CXXC5: variants seen among roughly 807,000 people sequenced by gnomAD.
CXXC5 encodes CXXC finger protein 5.
CXXC5 carries 2 observed loss-of-function variants against 17.6 expected under a neutral mutation model. The ratio of observed to expected loss-of-function variants is 0.11; its 90% CI spans 0.05 to 0.36. CXXC5 has a LOEUF of 0.36. CXXC5 is among the 10% of genes least tolerant of loss of function. The pLI is 1.00. For missense variants in CXXC5, 343 were observed against 458.3 expected (o/e 0.75, Z 2.30); for synonymous variants, 171 against 193.0 (o/e 0.89, Z 0.94).
chr5:139,682,496 A>G (rs1395426694), intron 2 of CXXC5, among the ~76,000 whole-genome samples: 1 of 152,206 alleles, frequency 6.6e-6, no homozygotes, highest in Non-Finnish European at 1.5e-5. Context: ...CACACAGCTC[A>G]GCATAGCACG....
In CXXC5 at chr5:139,661,298, C is replaced by T. The variant is rs1755797093; in HGVS notation, c.-161+12453C>T. On this transcript the variant is annotated intron_variant, in intron 1 of 2. Coordinates refer to ENST00000302517, the MANE Select transcript of CXXC5 (RefSeq NM_016463.9). The surrounding 1 kb of genome is among the most constrained non-coding windows in gnomAD (Gnocchi z 4.7). Reference sequence around the variant, plus strand: ...CCCCATCCCCAGCAGCCCCGAGAGGCCCTGCGGCCTGGCAGTTAGAGTGCA... The same window carrying T: ...CCCCATCCCCAGCAGCCCCGAGAGGTCCTGCGGCCTGGCAGTTAGAGTGCA... Among the ~76,000 whole-genome samples, 1 of 152,220 alleles carries T rather than the reference C, an allele frequency of 6.6e-6. No homozygotes were observed. Among genetic ancestry groups the T allele is most frequent in the Admixed American group, 6.5e-5 (1 of 15,286 alleles).
rs1561549426 is a variant in CXXC5 at position 139,680,557 on chromosome 5, G to GGCGGCAGTA, written c.37_45dup (p.Gly13_Ser15dup). The GGCGGCAGTA allele has an allele frequency of 1.3e-6, 2 of 1,578,330 alleles. No individual in the cohort carries two copies. The highest frequency in any genetic ancestry group is 1.4e-5 in the African/African-American group (1 of 73,812). On this transcript the variant is annotated inframe_insertion, in exon 2 of 3. Transcript: ENST00000302517. ...CCTCGGCGGTGGCTCCCAGGATGCCGGCGGCAGTAGCAGCAGCAGCACCAA... is the reference window on the plus strand; with the variant it reads ...CCTCGGCGGTGGCTCCCAGGATGCCGGCGGCAGTAGCGGCAGTAGCAGCAGCAGCACCAA...
At chr5:139,650,894 G>C (rs1485916061) in intron 1 of CXXC5, 3 of 152,202 alleles carry the variant, frequency 2.0e-5, no homozygotes, top group Admixed American at 6.5e-5. Context: ...CTGGAGCTTG[G>C]GGGGGTGGGG....
chr5:139,648,962 C>T (rs1755007734), intron 1 of CXXC5, 117 bp downstream of exon 1: 2 of 152,294 alleles, frequency 1.3e-5, no homozygotes, highest in African/African-American at 4.8e-5. Flanking sequence ...CCGGAGTTCG[C>T]TGCAAGTCGG....
intron 1 of CXXC5, 114 bp from the exon 2 acceptor site, chr5:139,680,250 G>T (rs751748528): frequency 9.9e-5 from 52 of 525,232 alleles, no homozygotes; most frequent in African/African-American, 2.3e-4. Context: ...CTTAATAAAT[G>T]CCTGGTCAAG....
rs1342536274 is a variant in CXXC5, at chr5:139,680,675, A to G, written c.152A>G (p.Asp51Gly). Residue 51 changes from aspartate to glycine, a missense_variant, in exon 2 of 3, where the codon GAT (aspartate) becomes GGT (glycine). Physicochemically the swap from Asp to Gly is moderately conservative, Grantham distance 94 (BLOSUM62 -1). Coordinates refer to ENST00000302517, the MANE Select transcript of CXXC5 (RefSeq NM_016463.9). Reference protein sequence around the residue: ...VAAAAPASVADDTPPPERRNK... With the variant: ...VAAAAPASVAGDTPPPERRNK... ...GCCGCCGCACCAGCCTCAGTGGCAG[A>G]TGACACACCACCCCCCGAGCGTCGG... 2 of 1,613,274 alleles carry G rather than the reference A, an allele frequency of 1.2e-6. No individual in the cohort carries two copies. The highest frequency in any genetic ancestry group is 1.7e-5 in the Admixed American group (1 of 60,020).
At chr5:139,656,706 A>G (rs1755514252) in intron 1 of CXXC5, among the ~76,000 whole-genome samples, 1 of 151,988 alleles carries the variant, frequency 6.6e-6, no homozygotes, top group South Asian at 2.1e-4. Context: ...GCCCCCGTTA[A>G]CTGCTATTTT....
Position 139,661,590 on chromosome 5 carries a change from A to G in CXXC5, c.-161+12745A>G, listed in dbSNP as rs1275366449. Among the ~76,000 whole-genome samples, 5 of 152,134 alleles carry G rather than the reference A, an allele frequency of 3.3e-5. No homozygotes were observed. Among genetic ancestry groups the G allele is most frequent in the African/African-American group, 9.7e-5 (4 of 41,412 alleles). On this transcript the variant is annotated intron_variant, in intron 1 of 2. Coordinates refer to ENST00000302517, the MANE Select transcript of CXXC5 (RefSeq NM_016463.9). This position sits in a 1 kb window ranked among gnomAD's most constrained non-coding sequence, Gnocchi z 4.7. ...CACAGGCACACATAGGCGTGCACAC[A>G]TAGGCCACTCTCACCCCATTGGCCC...
chr5:139,668,436 A>G lies in CXXC5; in HGVS notation c.-160-11928A>G, dbSNP rs1340347048. ...CCGCCCCGGCGCCCGCCCGGGTCCCAGGCCGACTAATTAGGCCCGGCTACC... is the reference window on the plus strand; with the variant it reads ...CCGCCCCGGCGCCCGCCCGGGTCCCGGGCCGACTAATTAGGCCCGGCTACC... On this transcript the variant is annotated intron_variant, in intron 1 of 2. Coordinates refer to ENST00000302517, the MANE Select transcript of CXXC5 (RefSeq NM_016463.9). The surrounding 1 kb of genome is among the most constrained non-coding windows in gnomAD (Gnocchi z 4.1). Among the ~76,000 whole-genome samples, 2 of 151,874 alleles carry G rather than the reference A, an allele frequency of 1.3e-5. No individual in the cohort carries two copies. The highest frequency in any genetic ancestry group is 2.9e-5 in the Non-Finnish European group (2 of 67,934).
In CXXC5 at chr5:139,668,558, C is replaced by G. The variant is rs1756259905; in HGVS notation, c.-160-11806C>G. ...CCGTTCTGGGGCCTGTGCCCCAGAGCTGGCCGCGTTTCTCGGGGCGGGAGC... is the reference window on the plus strand; with the variant it reads ...CCGTTCTGGGGCCTGTGCCCCAGAGGTGGCCGCGTTTCTCGGGGCGGGAGC... On this transcript the variant is annotated intron_variant, in intron 1 of 2. Transcript: ENST00000302517. The surrounding 1 kb of genome is among the most constrained non-coding windows in gnomAD (Gnocchi z 4.1). Among the ~76,000 whole-genome samples the G allele has an allele frequency of 6.6e-6, 1 of 152,198 alleles. No homozygotes were observed. Among genetic ancestry groups the G allele is most frequent in the African/African-American group, 2.4e-5 (1 of 41,464 alleles).
intron 1 of CXXC5, among the ~76,000 whole-genome samples, chr5:139,664,164 C>T (rs1197162090): frequency 6.6e-6 from 1 of 152,192 alleles, no homozygotes; most frequent in South Asian, 2.1e-4. Context: ...AACTGCTAAC[C>T]TAACCCCTTA....
intron 1 of CXXC5, among the ~76,000 whole-genome samples, chr5:139,678,501 CT>C (rs1756988845): frequency 1.3e-5 from 2 of 152,188 alleles, no homozygotes; most frequent in African/African-American, 4.8e-5. Context: ...CCTAGGTGGT[CT>C]GGTGCCCACT....
In CXXC5 at chr5:139,670,653, AC is replaced by A. The variant is rs1424343574; in HGVS notation, c.-160-9709del. On this transcript the variant is annotated intron_variant, in intron 1 of 2. Coordinates refer to ENST00000302517, the MANE Select transcript of CXXC5 (RefSeq NM_016463.9). The surrounding 1 kb of genome is among the most constrained non-coding windows in gnomAD (Gnocchi z 4.2). Reference sequence around the variant, plus strand: ...CAGAAGACTCCACAAACATCCTCTCACCACGTAAACCACCCTATTCGCACAC... The same window carrying A: ...CAGAAGACTCCACAAACATCCTCTCACACGTAAACCACCCTATTCGCACAC... Among the ~76,000 whole-genome samples the A allele has an allele frequency of 6.6e-6, 1 of 152,142 alleles. No homozygotes were observed. Among genetic ancestry groups the A allele is most frequent in the Non-Finnish European group, 1.5e-5 (1 of 68,030 alleles).
At chr5:139,682,231 C>T (rs1757275746) in intron 2 of CXXC5, among the ~76,000 whole-genome samples, 1 of 152,186 alleles carries the variant, frequency 6.6e-6, no homozygotes, top group Non-Finnish European at 1.5e-5. Flanking sequence ...CTTGTCCCCG[C>T]CCCTCTATGA....
chr5:139,675,073 T>G (rs1330235643), intron 1 of CXXC5, among the ~76,000 whole-genome samples: 1 of 152,172 alleles, frequency 6.6e-6, no homozygotes, highest in Non-Finnish European at 1.5e-5. Context: ...TCACGCTGGT[T>G]CATGTGACTG....
At chr5:139,652,527 G>A (rs1755270587) in intron 1 of CXXC5, among the ~76,000 whole-genome samples, 1 of 152,132 alleles carries the variant, frequency 6.6e-6, no homozygotes, top group African/African-American at 2.4e-5. Flanking sequence ...TGTTGTTCTG[G>A]GATGTGGGAA....
At chr5:139,648,156 A>T (rs1193771395), upstream of CXXC5, 1 of 144,928 alleles carries the variant, frequency 6.9e-6, no homozygotes, top group Non-Finnish European at 1.5e-5. Context: ...CTCGAGGCGC[A>T]GCGGCTGCAG....
At chr5:139,672,523 G>T (rs183881590) in intron 1 of CXXC5, among the ~76,000 whole-genome samples, 1 of 152,314 alleles carries the variant, frequency 6.6e-6, no homozygotes, top group African/African-American at 2.4e-5. Flanking sequence ...TCTCAGCCCT[G>T]CGTCCTGCTC....
rs530117189 is a variant in CXXC5, at chr5:139,682,857, C to T, written c.925-6C>T. The T allele has an allele frequency of 1.2e-4, 187 of 1,592,538 alleles. No individual in the cohort carries two copies. The highest frequency in any genetic ancestry group is 1.7e-4 in the Middle Eastern group (1 of 6,050). On this transcript the variant is annotated splice_polypyrimidine_tract_variant and splice_region_variant and intron_variant, in intron 2 of 2. Coordinates refer to ENST00000302517, the MANE Select transcript of CXXC5 (RefSeq NM_016463.9). The stretch of plus-strand genomic sequence containing the variant: ...TCTCCTTGTTTTTGTCTCCCGCCCC[C>T]GCCAGAAGGTGATGCTTCCGACGGG...
Sources: allele counts gnomAD v4.1 joint callset (sites outside exome capture counted in the v4.1 genomes callset), GRCh38; gene constraint gnomAD v4.1.1; non-coding constraint Gnocchi (gnomAD v3.1); transcripts MANE v1.5; gene names NCBI Gene and HGNC (gene_info 2026-07-23, HGNC 2026-07-21).